Variants in TNFAIP6 observed in about 807,000 individuals in gnomAD.
TNFAIP6 encodes TNF alpha induced protein 6.
In TNFAIP6, 36 loss-of-function variants were observed where a neutral mutation model predicts 33.7. The ratio of observed to expected loss-of-function variants is 1.07; its 90% CI spans 0.82 to 1.41. The LOEUF (loss-of-function observed/expected upper bound fraction) is 1.41, where lower values mean the gene tolerates loss of function less well. TNFAIP6 is among the 40% of genes most tolerant of loss of function. The probability of loss-of-function intolerance (pLI) is 0.00; values close to 1 mark genes in which losing one functional copy is unlikely to be tolerated. For missense variants in TNFAIP6, 273 were observed against 331.9 expected, an observed-to-expected ratio of 0.82 and a Z score of 1.38; for synonymous variants, 113 against 112.8, an observed-to-expected ratio of 1.00 and a Z score of -0.01.
intron 5 of TNFAIP6, among the ~76,000 whole-genome samples, chr2:151,375,079 A>G (rs948757625): frequency 6.8e-6 from 1 of 146,738 alleles, no homozygotes; most frequent in African/African-American, 2.5e-5. Context: ...GAGCCAAGAT[A>G]GCGCCATTGC....
chr2:151,381,009 C>T (rs144865498), downstream of TNFAIP6, among the ~76,000 whole-genome samples: 73 of 152,194 alleles, frequency 4.8e-4, no homozygotes, highest in African/African-American at 1.6e-3. Flanking sequence ...AGTTGTTACT[C>T]GGTAATGAGG....
At chr2:151,369,487 T>C (rs1198741911) in intron 3 of TNFAIP6, among the ~76,000 whole-genome samples, 1 of 152,016 alleles carries the variant, frequency 6.6e-6, no homozygotes, top group Non-Finnish European at 1.5e-5. Context: ...TTTTTTAAAA[T>C]TCATGGCTGG....
Position 151,363,939 on chromosome 2 carries a change from G to A in TNFAIP6, c.95-4G>A. The A allele has an allele frequency of 6.2e-7, 1 of 1,610,812 alleles. No homozygotes were observed. The highest frequency in any genetic ancestry group is 1.1e-5 in the South Asian group (1 of 90,842). On this transcript the variant is annotated splice_polypyrimidine_tract_variant and splice_region_variant and intron_variant, in intron 1 of 5. Coordinates refer to ENST00000243347, the MANE Select transcript of TNFAIP6 (RefSeq NM_007115.4). Reference sequence around the variant, plus strand: ...TGCTTTTATGACATCATCTGATTTTGCAGAACGAGCAGCCGGTGTGTACCA... The same window carrying A: ...TGCTTTTATGACATCATCTGATTTTACAGAACGAGCAGCCGGTGTGTACCA...
chr2:151,361,971 A>T (rs918720267), intron 1 of TNFAIP6, among the ~76,000 whole-genome samples: 4 of 152,180 alleles, frequency 2.6e-5, no homozygotes, highest in African/African-American at 9.7e-5. Flanking sequence ...GAGCTGTGGC[A>T]ATGTCAACTT....
At chr2:151,377,602 T>G (rs1197111821) in intron 5 of TNFAIP6, among the ~76,000 whole-genome samples, 1 of 152,200 alleles carries the variant, frequency 6.6e-6, no homozygotes, top group Non-Finnish European at 1.5e-5. Context: ...AAAAGTATCA[T>G]TAATAATCTA....
chr2:151,371,139 T>C (rs1247356092), intron 4 of TNFAIP6, among the ~76,000 whole-genome samples: 1 of 152,196 alleles, frequency 6.6e-6, no homozygotes, highest in Non-Finnish European at 1.5e-5. Flanking sequence ...TTGTGCTAAG[T>C]ATTATGGAAG....
At chr2:151,377,475 GTGTTTGTT>G (rs5835362) in intron 5 of TNFAIP6, among the ~76,000 whole-genome samples, 30,745 of 151,022 alleles carry the variant, frequency 0.2, 3,896 homozygotes, top group African/African-American at 0.36. Context: ...GGCCATTTTT[GTGTTTGTT>G]TGTTTGTTTG....
In TNFAIP6 at chr2:151,370,139, C is replaced by T. The variant is rs981707651; in HGVS notation, c.514C>T (p.Arg172Cys). Residue 172 changes from arginine to cysteine, a missense_variant, in exon 4 of 6, where the codon CGT (arginine) becomes TGT (cysteine). Arg to Cys is a radical substitution (Grantham distance 180). Transcript: ENST00000243347. Reference sequence around the variant, plus strand: ...GCACATTAGACTCAAGTATGGTCAGCGTATTCACCTGAGTTTTTTAGATTT... The same window carrying T: ...GCACATTAGACTCAAGTATGGTCAGTGTATTCACCTGAGTTTTTTAGATTT... ...YWHIRLKYGQ[R>C]IHLSFLDFDL... 79 of 1,613,848 alleles carry T rather than the reference C, an allele frequency of 4.9e-5. No homozygotes were observed. The highest frequency in any genetic ancestry group is 6.4e-5 in the Non-Finnish European group (75 of 1,179,948).
chr2:151,364,457 G>A (rs938163227), intron 2 of TNFAIP6, among the ~76,000 whole-genome samples: 1 of 152,038 alleles, frequency 6.6e-6, no homozygotes, highest in Non-Finnish European at 1.5e-5. Flanking sequence ...GTACTATATT[G>A]AGTCTTACAA....
chr2:151,380,393 A>AAAGAACATTTTAAAAAACATTTGATATAT (rs1461492969), downstream of TNFAIP6, among the ~76,000 whole-genome samples: 9 of 152,200 alleles, frequency 5.9e-5, no homozygotes, highest in African/African-American at 2.2e-4. Flanking sequence ...TTTAAAATAT[A>AAAGAACATTTTAAAAAACATTTGATATAT]TCAAATGTTA....
intron 5 of TNFAIP6, 59 bp downstream of exon 5, chr2:151,373,648 G>T (rs1684852414): frequency 3.1e-6 from 3 of 968,194 alleles, no homozygotes; most frequent in Non-Finnish European, 4.5e-6. Context: ...GTCCCTGAAA[G>T]TAAAGGGACA....
intron 3 of TNFAIP6, chr2:151,368,494 A>G (rs191323239): frequency 6.6e-6 from 1 of 151,698 alleles, no homozygotes; most frequent in East Asian, 2.0e-4. Flanking sequence ...TCTAGGTCAT[A>G]TTGCAAACCA....
rs188891790 is a variant in TNFAIP6 at position 151,364,541 on chromosome 2, T to C, written c.232+461T>C. 4.2e-3 allele frequency among the ~76,000 whole-genome samples: 641 copies of C among 152,300 alleles called. 5 individuals are homozygous for C. The highest frequency in any genetic ancestry group is 0.014 in the African/African-American group (595 of 41,566). On this transcript the variant is annotated intron_variant, in intron 2 of 5. Coordinates refer to ENST00000243347, the MANE Select transcript of TNFAIP6 (RefSeq NM_007115.4). ...AATTTTTTTCCATTAAGTGGGAGAATGTATTTGTACTTCAGGATCAAAAGC... is the reference window on the plus strand; with the variant it reads ...AATTTTTTTCCATTAAGTGGGAGAACGTATTTGTACTTCAGGATCAAAAGC...
Position 151,363,954 on chromosome 2 carries a change from G to C in TNFAIP6, c.106G>C (p.Gly36Arg), listed in dbSNP as rs750979012. The change falls in exon 2 of 6, where the codon GGT becomes CGT. Residue 36 changes from glycine (G) to arginine (R), a missense_variant. Physicochemically the swap from Gly to Arg is moderately radical, Grantham distance 125. Transcript: ENST00000243347. ...HNSIWLERAA[G>R]VYHREARSGK... is the part of the protein sequence containing the mutation. Reference sequence around the variant, plus strand: ...ATCTGATTTTGCAGAACGAGCAGCCGGTGTGTACCACAGAGAAGCACGGTC... The same window carrying C: ...ATCTGATTTTGCAGAACGAGCAGCCCGTGTGTACCACAGAGAAGCACGGTC... 5.0e-6 allele frequency: 8 copies of C among 1,612,636 alleles called. No homozygotes were observed. Among genetic ancestry groups the C allele is most frequent in the Non-Finnish European group, 8.5e-7 (1 of 1,179,630 alleles).
chr2:151,369,425 G>T (rs1475848479), intron 3 of TNFAIP6, among the ~76,000 whole-genome samples: 1 of 152,020 alleles, frequency 6.6e-6, no homozygotes, highest in Admixed American at 6.6e-5. Flanking sequence ...AATTAGCTGG[G>T]ACTAAGGGTG....
At chr2:151,375,125 CAA>C (rs71403161) in intron 5 of TNFAIP6, among the ~76,000 whole-genome samples, 14,196 of 78,394 alleles carry the variant, frequency 0.18, 640 homozygotes, top group African/African-American at 0.26. Context: ...AACTCCGTCT[CAA>C]AAAAAAAAAA....
intron 1 of TNFAIP6, among the ~76,000 whole-genome samples, chr2:151,359,476 C>T (rs1684588289): frequency 6.6e-6 from 1 of 151,530 alleles, no homozygotes; most frequent in Admixed American, 6.6e-5. Context: ...CCAAGCTCCG[C>T]CTCCCAGGTT....
Position 151,366,150 on chromosome 2 carries a change from CATT to C in TNFAIP6, c.331_333del (p.Ile111del). On this transcript the variant is annotated inframe_deletion, in exon 3 of 6. Coordinates refer to ENST00000243347, the MANE Select transcript of TNFAIP6 (RefSeq NM_007115.4). The stretch of plus-strand genomic sequence containing the variant: ...CCAACTGTGGATTTGGAAAAACTGG[CATT>C]ATTGATTATGGAATCCGTCTCAATA... The C allele has an allele frequency of 6.2e-7, 1 of 1,614,050 alleles. No homozygotes were observed. The highest frequency in any genetic ancestry group is 1.1e-5 in the South Asian group (1 of 91,084).
At chr2:151,370,532 G>C (rs752198472) in intron 4 of TNFAIP6, among the ~76,000 whole-genome samples, 1 of 149,708 alleles carries the variant, frequency 6.7e-6, no homozygotes, top group African/African-American at 2.5e-5. Context: ...AAAGTAGTGA[G>C]AGCTGCCTTT....
Sources: allele counts gnomAD v4.1 joint callset (sites outside exome capture counted in the v4.1 genomes callset), GRCh38; gene constraint gnomAD v4.1.1; transcripts MANE v1.5; gene names NCBI Gene and HGNC (gene_info 2026-07-23, HGNC 2026-07-21).